Variants in DOK5 observed in about 807,000 individuals in gnomAD.
DOK5 encodes the protein downstream of tyrosine kinase 5.
Under a neutral mutation model 43.3 loss-of-function variants are expected in DOK5, and 27 were observed. That is an observed-to-expected ratio of 0.62 (90% confidence interval 0.46 to 0.86). The LOEUF (loss-of-function observed/expected upper bound fraction) is 0.86. Ranked by LOEUF, DOK5 falls within the 40% of genes least tolerant of loss-of-function variation. The probability of loss-of-function intolerance (pLI) is 0.00; values close to 1 mark genes in which losing one functional copy is unlikely to be tolerated. For synonymous variants in DOK5, 146 were observed against 140.1 expected (o/e 1.04, Z -0.30); for missense variants, 373 against 392.9 (o/e 0.95, Z 0.43).
intron 6 of DOK5, among the ~76,000 whole-genome samples, chr20:54,635,023 A>G (rs1241643905): frequency 1.3e-5 from 2 of 152,170 alleles, no homozygotes; most frequent in African/African-American, 4.8e-5. Flanking sequence ...AGGACATTCA[A>G]AAGTTAACCT....
At chr20:54,549,924 A>G (rs1984467253) in intron 1 of DOK5, among the ~76,000 whole-genome samples, 1 of 152,194 alleles carries the variant, frequency 6.6e-6, no homozygotes, top group Non-Finnish European at 1.5e-5. Context: ...AAGCAGAGTG[A>G]CGTTCATTCC....
intron 5 of DOK5, among the ~76,000 whole-genome samples, chr20:54,599,989 T>C (rs1478997123): frequency 6.6e-6 from 1 of 152,134 alleles, no homozygotes; most frequent in African/African-American, 2.4e-5. Flanking sequence ...GGAAGGATGA[T>C]AGACAGTGCC....
chr20:54,494,167 GAAT>G (rs772926245), intron 1 of DOK5, among the ~76,000 whole-genome samples: 24 of 152,154 alleles, frequency 1.6e-4, no homozygotes, highest in Non-Finnish European at 3.2e-4. Context: ...TCTGTTGAAT[GAAT>G]GATGAGTGAA....
chr20:54,619,279 C>T (rs989416580), intron 6 of DOK5, among the ~76,000 whole-genome samples: 2 of 151,448 alleles, frequency 1.3e-5, no homozygotes, highest in African/African-American at 2.4e-5. Context: ...GGCGGGGAGG[C>T]GAGGACTGTC....
chr20:54,547,280 A>G (rs1483413596), intron 1 of DOK5, among the ~76,000 whole-genome samples: 1 of 152,210 alleles, frequency 6.6e-6, no homozygotes, highest in African/African-American at 2.4e-5. Flanking sequence ...TCTTTGGCTC[A>G]TTACAGAAAG....
intron 6 of DOK5, among the ~76,000 whole-genome samples, chr20:54,626,243 C>T (rs1262977786): frequency 6.6e-6 from 1 of 152,132 alleles, no homozygotes; most frequent in Non-Finnish European, 1.5e-5. Flanking sequence ...GTGCAGAATT[C>T]ATCGAAAGGG....
At chr20:54,537,469 A>T (rs1983995740) in intron 1 of DOK5, among the ~76,000 whole-genome samples, 1 of 152,230 alleles carries the variant, frequency 6.6e-6, no homozygotes, top group Non-Finnish European at 1.5e-5. Context: ...TTGAAGCATG[A>T]GGAAAAAAAT....
At chr20:54,576,102 G>A (rs1404469428) in intron 2 of DOK5, among the ~76,000 whole-genome samples, 1 of 151,978 alleles carries the variant, frequency 6.6e-6, no homozygotes, top group Non-Finnish European at 1.5e-5. Flanking sequence ...AAGAATAAAA[G>A]AGGACTGAAA....
In DOK5 at chr20:54,588,708, G is replaced by C. The variant is rs764290120; in HGVS notation, c.311G>C (p.Cys104Ser). The change falls in exon 4 of 8, where the codon TGC (cysteine) becomes TCC (serine). Residue 104 changes from cysteine to serine, a missense_variant. Cys to Ser is a moderately radical substitution (Grantham distance 112, BLOSUM62 -1). Transcript: ENST00000262593. ...ACAGATCTTGAGGCTGATGAGTGGTGCAAAGTACTCCAGATGGAGTGTGTA... is the reference window on the plus strand; with the variant it reads ...ACAGATCTTGAGGCTGATGAGTGGTCCAAAGTACTCCAGATGGAGTGTGTA... ...CESDLEADEW[C>S]KVLQMECVGT... 1.2e-6 allele frequency: 2 copies of C among 1,614,088 alleles called. No homozygotes were observed. The highest frequency in any genetic ancestry group is 2.2e-5 in the South Asian group (2 of 91,082).
rs114608376 is a variant in DOK5 at position 54,563,018 on chromosome 20, C to G, written c.174+7978C>G. Among the ~76,000 whole-genome samples the G allele has an allele frequency of 4.3e-3, 662 of 152,258 alleles. 5 individuals are homozygous for G. Among genetic ancestry groups the G allele is most frequent in the African/African-American group, 0.016 (649 of 41,538 alleles). ...GCTGGTACCCTTATAAGAAGAGACA[C>G]AGACCCACAGGGAGAAAGCCATGTG... is the stretch of plus-strand genomic sequence containing the variant. On this transcript the variant is annotated intron_variant, in intron 2 of 7. Transcript: ENST00000262593.
chr20:54,622,391 CT>C (rs1306041466), intron 6 of DOK5, among the ~76,000 whole-genome samples: 2 of 152,100 alleles, frequency 1.3e-5, no homozygotes, highest in African/African-American at 4.8e-5. Flanking sequence ...TTTCTCAGCA[CT>C]TCTGTTTCAG....
intron 7 of DOK5, among the ~76,000 whole-genome samples, chr20:54,644,712 A>ACAAAC (rs781499554): frequency 7.7e-6 from 1 of 130,702 alleles, no homozygotes; most frequent in African/African-American, 3.5e-5. Flanking sequence ...TCTCAAAAAA[A>ACAAAC]AAAAAAAAAA....
At chr20:54,644,714 A>AAAAAAAAAAAAAAAAAAAC (rs1979304549) in intron 7 of DOK5, among the ~76,000 whole-genome samples, 1 of 134,266 alleles carries the variant, frequency 7.4e-6, no homozygotes, top group African/African-American at 2.9e-5. Context: ...TCAAAAAAAA[A>AAAAAAAAAAAAAAAAAAAC]AAAAAAAAAA....
chr20:54,533,171 G>A (rs962945615), intron 1 of DOK5, among the ~76,000 whole-genome samples: 14 of 152,070 alleles, frequency 9.2e-5, no homozygotes, highest in African/African-American at 3.4e-4. Flanking sequence ...TCTTTGGTGG[G>A]GGCTGTTTTG....
At chr20:54,523,390 A>C (rs907739429) in intron 1 of DOK5, among the ~76,000 whole-genome samples, 3 of 151,988 alleles carry the variant, frequency 2.0e-5, no homozygotes, top group Non-Finnish European at 2.9e-5. Context: ...AACATGGTGA[A>C]CCCCATCTCT....
intron 2 of DOK5, among the ~76,000 whole-genome samples, chr20:54,580,686 A>C (rs996111544): frequency 1.3e-5 from 2 of 152,118 alleles, no homozygotes; most frequent in Admixed American, 1.3e-4. Context: ...CTTTGAATAG[A>C]CATTTGCCCA....
At chr20:54,600,692 A>T (rs1986275786) in intron 5 of DOK5, among the ~76,000 whole-genome samples, 2 of 152,160 alleles carry the variant, frequency 1.3e-5, no homozygotes, top group South Asian at 4.1e-4. Context: ...GGGCTCCAGT[A>T]TGTACGTGTG....
At chr20:54,503,071 T>C (rs1445053457) in intron 1 of DOK5, among the ~76,000 whole-genome samples, 2 of 152,176 alleles carry the variant, frequency 1.3e-5, no homozygotes, top group Non-Finnish European at 2.9e-5. Context: ...TGTATTTGTA[T>C]ATATGTGCTT....
intron 4 of DOK5, among the ~76,000 whole-genome samples, chr20:54,589,444 G>T (rs1985915036): frequency 6.6e-6 from 1 of 152,142 alleles, no homozygotes; most frequent in Non-Finnish European, 1.5e-5. Flanking sequence ...TCTGAGCTCA[G>T]CAGTCAATCT....
Sources: allele counts gnomAD v4.1 joint callset (sites outside exome capture counted in the v4.1 genomes callset), GRCh38; gene constraint gnomAD v4.1.1; transcripts MANE v1.5; gene names NCBI Gene and HGNC (gene_info 2026-07-23, HGNC 2026-07-21).